Variants in ADGRV1 observed in about 807,000 individuals in gnomAD.
ADGRV1 encodes adhesion G protein-coupled receptor V1.
Under a neutral mutation model 596.2 loss-of-function variants are expected in ADGRV1, and 359 were observed. That is an observed-to-expected ratio of 0.60 (90% confidence interval 0.55 to 0.66). The LOEUF (loss-of-function observed/expected upper bound fraction) is 0.66. Among genes scored for constraint, ADGRV1 ranks in the 30% least tolerant of loss-of-function variants. The probability of loss-of-function intolerance (pLI) is 0.00; values close to 1 mark genes in which losing one functional copy is unlikely to be tolerated. For synonymous variants in ADGRV1, 2,681 were observed against 2,679.2 expected, an observed-to-expected ratio of 1.00 and a Z score of -0.02; for missense variants, 7,274 against 7,575.6, an observed-to-expected ratio of 0.96 and a Z score of 1.48.
In ADGRV1 at chr5:90,675,415, C is replaced by G. The variant is rs201292308; in HGVS notation, c.5283C>G (p.Ser1761=). 5.0e-6 allele frequency: 8 copies of G among 1,613,650 alleles called. No individual in the cohort carries two copies. The African/African-American group carries it at 6.7e-5, about 13-fold the overall frequency. ...GRVTAEFRTV[S]LTAFSPEDYQ... ...TGACTGCGGAATTTAGAACAGTGTC[C>G]TTGACAGCATTCAGTCCTGAGGATT... Residue 1761 remains serine (S), a synonymous_variant, in exon 24 of 90, where the codon TCC becomes TCG. Transcript: ENST00000405460.
chr5:90,568,038 C>T lies in ADGRV1; in HGVS notation c.22+9121C>T, dbSNP rs930764925. Among the ~76,000 whole-genome samples the T allele has an allele frequency of 2.0e-5, 3 of 151,928 alleles. No homozygotes were observed. The South Asian group carries it at 6.2e-4, about 32-fold the overall frequency. On this transcript the variant is annotated intron_variant, in intron 1 of 89. Coordinates refer to ENST00000405460, the MANE Select transcript of ADGRV1 (RefSeq NM_032119.4). ...CAGGCATGAGCCACCATGCCCAGTC[C>T]CTTTTATTATCTTTTCAAAGAACCA...
chr5:90,860,907 T>C (rs939291816), intron 82 of ADGRV1, among the ~76,000 whole-genome samples: 4 of 152,144 alleles, frequency 2.6e-5, no homozygotes, highest in African/African-American at 4.8e-5. Flanking sequence ...TAAACTTAAG[T>C]TATTTGGAAA....
chr5:90,643,232 T>A (rs1253015002), intron 13 of ADGRV1, among the ~76,000 whole-genome samples, 191 bp downstream of exon 13: 1 of 152,142 alleles, frequency 6.6e-6, no homozygotes, highest in Non-Finnish European at 1.5e-5. Context: ...ATTAGAATGG[T>A]GTATTTTTGC....
chr5:90,716,850 A>T (rs1017470033), intron 43 of ADGRV1, 121 bp downstream of exon 43: 2 of 691,032 alleles, frequency 2.9e-6, no homozygotes, highest in Non-Finnish European at 4.7e-6. Context: ...TAGGTGTTAG[A>T]CAAAGACATG....
At chr5:90,611,571 GT>G (rs1329598289) in intron 1 of ADGRV1, among the ~76,000 whole-genome samples, 7 of 151,892 alleles carry the variant, frequency 4.6e-5, no homozygotes, top group African/African-American at 1.7e-4. Context: ...GAGGAATGAT[GT>G]CAGTGATGCT....
chr5:90,768,851 A>G (rs1270231785), intron 59 of ADGRV1, among the ~76,000 whole-genome samples: 1 of 152,168 alleles, frequency 6.6e-6, no homozygotes, highest in East Asian at 1.9e-4. Flanking sequence ...CTTTTTAGGA[A>G]GTGCTCTTGA....
In ADGRV1 at chr5:90,978,181, G is replaced by C. The variant is rs556242608; in HGVS notation, c.17974-7163G>C. On this transcript the variant is annotated intron_variant, in intron 84 of 89. Transcript: ENST00000405460. ...ATGGTGGCAGGCGCCTGTAGTCCCA[G>C]CTACTAGGGAGGCTGAGGCAGGAGA... is the stretch of plus-strand genomic sequence containing the variant. 9.2e-5 allele frequency among the ~76,000 whole-genome samples: 14 copies of C among 152,094 alleles called. No individual in the cohort carries two copies. The South Asian group carries it at 2.7e-3, about 29-fold the overall frequency.
intron 83 of ADGRV1, among the ~76,000 whole-genome samples, chr5:90,950,885 CTCTT>C (rs748293202): frequency 2.0e-5 from 3 of 151,508 alleles, no homozygotes; most frequent in Non-Finnish European, 4.4e-5. Flanking sequence ...ACCTGTATCT[CTCTT>C]TCTTCCTATG....
intron 75 of ADGRV1, chr5:90,822,282 G>A (rs182045955): frequency 0.019 from 2,961 of 154,100 alleles, 101 homozygotes; most frequent in African/African-American, 0.068. Flanking sequence ...GCTCGCGCAC[G>A]GTGCACACAC....
At chr5:90,959,679 A>G (rs983248134) in intron 83 of ADGRV1, among the ~76,000 whole-genome samples, 13 of 130,180 alleles carry the variant, frequency 1.0e-4, no homozygotes, top group African/African-American at 4.4e-4. Context: ...TCCAAAGGCA[A>G]TTTACTGGAG....
At chr5:91,020,205 C>G (rs1783520619) in intron 85 of ADGRV1, among the ~76,000 whole-genome samples, 1 of 151,954 alleles carries the variant, frequency 6.6e-6, no homozygotes, top group Admixed American at 6.6e-5. Flanking sequence ...CAGGCTACCA[C>G]TGGTGTATGC....
At chr5:90,726,245 A>C (rs951847667) in intron 48 of ADGRV1, among the ~76,000 whole-genome samples, 3 of 152,188 alleles carry the variant, frequency 2.0e-5, no homozygotes, top group Admixed American at 6.5e-5. Flanking sequence ...GTCCCTTCTA[A>C]AAAGCCAGGC....
chr5:90,925,206 G>A (rs1774306680), intron 83 of ADGRV1, among the ~76,000 whole-genome samples: 3 of 151,926 alleles, frequency 2.0e-5, no homozygotes, highest in African/African-American at 4.8e-5. Flanking sequence ...CATTGAATCT[G>A]TAAGTTACCT....
rs766508393 is a variant in ADGRV1, at chr5:90,683,965, A to G, written c.6044A>G (p.Tyr2015Cys). The G allele has an allele frequency of 6.2e-7, 1 of 1,613,962 alleles. No homozygotes were observed. Among genetic ancestry groups the G allele is most frequent in the South Asian group, 1.1e-5 (1 of 91,074 alleles). The change falls in exon 28 of 90, where the codon TAT becomes TGT. Residue 2015 changes from tyrosine (Y) to cysteine (C), a missense_variant. Physicochemically the swap from Tyr to Cys is radical, Grantham distance 194. Transcript: ENST00000405460. ...KGLMGKVLVS[Y>C]ATLDDMEKPP... ...CTCATGGGAAAAGTCCTTGTCTCAT[A>G]TGCAACACTAGATGATATGGAAAAA...
At chr5:90,941,138 A>T (rs1581583674) in intron 83 of ADGRV1, among the ~76,000 whole-genome samples, 1 of 25,160 alleles carries the variant, frequency 4.0e-5, no homozygotes, top group African/African-American at 2.5e-4. Flanking sequence ...AAAAGTACTT[A>T]AAAAAAAAAA....
chr5:91,158,941 A>ATAGCCACTGATACTAT (rs2126948756), intron 89 of ADGRV1, among the ~76,000 whole-genome samples: 1 of 152,268 alleles, frequency 6.6e-6, no homozygotes, highest in Admixed American at 6.5e-5. Context: ...AGGCCTTTCA[A>ATAGCCACTGATACTAT]TAGCCACTGA....
At chr5:90,794,127 G>T (rs1760392486) in intron 70 of ADGRV1, among the ~76,000 whole-genome samples, 3 of 152,146 alleles carry the variant, frequency 2.0e-5, no homozygotes, top group South Asian at 4.1e-4. Flanking sequence ...TTGGATAAAA[G>T]TTGAGACTTT....
chr5:90,961,048 G>GTCTAT (rs1777961448), intron 83 of ADGRV1, among the ~76,000 whole-genome samples: 1 of 152,048 alleles, frequency 6.6e-6, no homozygotes, highest in Non-Finnish European at 1.5e-5. Flanking sequence ...TGTATCATGT[G>GTCTAT]TCTAGCTTCA....
intron 87 of ADGRV1, among the ~76,000 whole-genome samples, chr5:91,146,785 A>G (rs574638320): frequency 4.6e-5 from 7 of 152,372 alleles, no homozygotes; most frequent in Non-Finnish European, 4.4e-5. Context: ...CAAAATGTAC[A>G]TAGCTAATCA....
Sources: allele counts gnomAD v4.1 joint callset (sites outside exome capture counted in the v4.1 genomes callset), GRCh38; gene constraint gnomAD v4.1.1; transcripts MANE v1.5; gene names NCBI Gene and HGNC (gene_info 2026-07-23, HGNC 2026-07-21).